The following XKR6 variants were observed in gnomAD, a reference collection of about 807,000 sequenced individuals.
XKR6 encodes the protein XK related 6.
Under a neutral mutation model 56.7 loss-of-function variants are expected in XKR6, and 22 were observed. That is an observed-to-expected ratio of 0.39 (90% CI 0.28 to 0.55). The LOEUF (loss-of-function observed/expected upper bound fraction) is 0.55. Among genes scored for constraint, XKR6 ranks in the 20% least tolerant of loss-of-function variants. The pLI, the probability that XKR6 is intolerant of heterozygous loss-of-function variation, is 0.66. For missense variants in XKR6, 852 were observed against 889.0 expected, an observed-to-expected ratio of 0.96 and a Z score of 0.53; for synonymous variants, 524 against 387.8, an observed-to-expected ratio of 1.35 and a Z score of -4.13.
intron 1 of XKR6, among the ~76,000 whole-genome samples, chr8:11,083,171 C>T (rs1331383583): frequency 3.3e-5 from 5 of 152,194 alleles, no homozygotes; most frequent in African/African-American, 1.2e-4. Flanking sequence ...TTCAAAGTGC[C>T]CGTGGGGCTC....
chr8:11,076,333 C>G (rs1237970134), intron 1 of XKR6, among the ~76,000 whole-genome samples: 1 of 152,182 alleles, frequency 6.6e-6, no homozygotes, highest in Non-Finnish European at 1.5e-5. Context: ...GTTCTTAACA[C>G]AACTCAACCA....
chr8:11,151,090 G>T (rs1214163760), intron 1 of XKR6, among the ~76,000 whole-genome samples: 2 of 152,092 alleles, frequency 1.3e-5, no homozygotes, highest in Middle Eastern at 3.4e-3. Context: ...CCCTTAAAAT[G>T]TGCCCCTTTT....
At chr8:10,905,300 T>A (rs920029585) in intron 2 of XKR6, among the ~76,000 whole-genome samples, 1 of 152,176 alleles carries the variant, frequency 6.6e-6, no homozygotes, top group Admixed American at 6.5e-5. Context: ...GGAGGACTGC[T>A]TCCGTGCTTC....
chr8:10,996,965 C>A (rs945929640), intron 1 of XKR6, among the ~76,000 whole-genome samples: 1 of 151,970 alleles, frequency 6.6e-6, no homozygotes, highest in Non-Finnish European at 1.5e-5. Context: ...AGAGACCCTG[C>A]GTTTATTTAA....
Position 11,201,238 on chromosome 8 carries a change from G to A in XKR6, c.102C>T (p.Pro34=). The A allele has an allele frequency of 1.3e-6, 2 of 1,557,454 alleles. No individual in the cohort carries two copies. Among genetic ancestry groups the A allele is most frequent in the African/African-American group, 1.4e-5 (1 of 73,006 alleles). The change falls in exon 1 of 3, where the codon CCC becomes CCT. Residue 34 remains proline (P), a synonymous_variant. Coordinates refer to ENST00000416569, the MANE Select transcript of XKR6 (RefSeq NM_173683.4). ...CGCCGCCGCCGCAGCCGCCTCCCCC[G>A]GGCTCCCCGTCCTCCTCGCCGCCGC... ...VGSGGEEDGE[P]GGGGCGGGGD... is the part of the protein sequence containing the mutation.
At chr8:11,056,209 G>T (rs1256224290) in intron 1 of XKR6, among the ~76,000 whole-genome samples, 1 of 152,228 alleles carries the variant, frequency 6.6e-6, no homozygotes, top group Non-Finnish European at 1.5e-5. Context: ...CTGGGAGGCA[G>T]AAGCAAAATG....
chr8:11,182,410 G>C (rs1398674883), intron 1 of XKR6, among the ~76,000 whole-genome samples: 2 of 152,192 alleles, frequency 1.3e-5, no homozygotes, highest in African/African-American at 4.8e-5. Context: ...GACTAACTTT[G>C]TACCTGGTCA....
chr8:10,996,942 C>A (rs1798126887), intron 1 of XKR6, among the ~76,000 whole-genome samples: 1 of 152,100 alleles, frequency 6.6e-6, no homozygotes, highest in African/African-American at 2.4e-5. Context: ...GCACTCCAGC[C>A]TGGGCAATAG....
At position 10,976,838 on chromosome 8, in the gene XKR6, G is replaced by A. The variant is rs1414994552; in HGVS notation, c.765-52008C>T. ...ATTTTACTTGCAATCCTCCAATAGC[G>A]ATGTGGCCTCCCTGAAAGAAAACAT... On this transcript the variant is annotated intron_variant, in intron 1 of 2. Transcript: ENST00000416569. 3.3e-5 allele frequency among the ~76,000 whole-genome samples: 5 copies of A among 151,998 alleles called. No homozygotes were observed. The South Asian group carries it at 8.3e-4, about 25-fold the overall frequency.
chr8:10,952,976 G>A (rs1330329701), intron 1 of XKR6, among the ~76,000 whole-genome samples: 1 of 152,126 alleles, frequency 6.6e-6, no homozygotes, highest in Non-Finnish European at 1.5e-5. Context: ...GAGGGATCTA[G>A]GCTGCGCGCT....
chr8:11,076,189 T>C (rs7017567), intron 1 of XKR6, among the ~76,000 whole-genome samples: 5 of 152,078 alleles, frequency 3.3e-5, no homozygotes, highest in South Asian at 2.1e-4. Flanking sequence ...TAGAGGCAGA[T>C]AGTAGAATGG....
At chr8:10,911,626 GA>G (rs1402481522) in intron 2 of XKR6, among the ~76,000 whole-genome samples, 2 of 147,206 alleles carry the variant, frequency 1.4e-5, no homozygotes, top group African/African-American at 5.0e-5. Flanking sequence ...TGTAGACAGA[GA>G]GGGGGTGAGT....
chr8:10,928,332 G>A (rs1800957067), intron 1 of XKR6, among the ~76,000 whole-genome samples: 1 of 152,206 alleles, frequency 6.6e-6, no homozygotes, highest in Non-Finnish European at 1.5e-5. Context: ...CTGTCCTCGA[G>A]GCTCTAGGAT....
intron 1 of XKR6, among the ~76,000 whole-genome samples, chr8:11,043,592 C>A (rs1799338137): frequency 6.6e-6 from 1 of 152,246 alleles, no homozygotes; most frequent in Non-Finnish European, 1.5e-5. Flanking sequence ...TGGGCAGAGT[C>A]AGTCCAGGAA....
intron 1 of XKR6, among the ~76,000 whole-genome samples, chr8:11,043,752 G>A (rs1183289430): frequency 6.6e-6 from 1 of 152,218 alleles, no homozygotes; most frequent in Non-Finnish European, 1.5e-5. Context: ...CAGGACAGGA[G>A]GTTGGATGCA....
chr8:11,082,396 T>A (rs150715789), intron 1 of XKR6, among the ~76,000 whole-genome samples: 98 of 152,342 alleles, frequency 6.4e-4, no homozygotes, highest in African/African-American at 2.2e-3. Context: ...AAACCTCAGC[T>A]GAGATAATAT....
chr8:10,964,344 C>T (rs1268695362), intron 1 of XKR6, among the ~76,000 whole-genome samples: 1 of 152,136 alleles, frequency 6.6e-6, no homozygotes, highest in Non-Finnish European at 1.5e-5. Context: ...CAGGTTGAAC[C>T]CCTCGGGGCT....
intron 1 of XKR6, among the ~76,000 whole-genome samples, chr8:11,186,754 T>C (rs1803296549): frequency 6.6e-6 from 1 of 152,178 alleles, no homozygotes; most frequent in African/African-American, 2.4e-5. Context: ...TGCTGAGGTG[T>C]TGAGCCCTGA....
In XKR6 at chr8:10,898,726, G is replaced by C. The variant is rs765241410; in HGVS notation, c.1152C>G (p.Leu384=). The change falls in exon 3 of 3, where the codon CTC becomes CTG. Residue 384 remains leucine, a synonymous_variant. Coordinates refer to ENST00000416569, the MANE Select transcript of XKR6 (RefSeq NM_173683.4). This position sits in a 1 kb window ranked among gnomAD's most constrained non-coding sequence, Gnocchi z 6.6. ...SFALFASIFQ[L]YFGIFVVVHW... ...GAACCACCACGAAGATCCCAAAATA[G>C]AGCTGGAAGATGGAAGCAAAGAGGG... The C allele has an allele frequency of 1.9e-6, 3 of 1,614,106 alleles. No homozygotes were observed. The highest frequency in any genetic ancestry group is 2.5e-6 in the Non-Finnish European group (3 of 1,180,022).
Sources: allele counts gnomAD v4.1 joint callset (sites outside exome capture counted in the v4.1 genomes callset), GRCh38; gene constraint gnomAD v4.1.1; non-coding constraint Gnocchi (gnomAD v3.1); transcripts MANE v1.5; gene names NCBI Gene and HGNC (gene_info 2026-07-23, HGNC 2026-07-21).